The following CATSPERE variants were observed in gnomAD, a reference collection of about 807,000 sequenced individuals.
CATSPERE encodes catsper channel auxiliary subunit epsilon.
A neutral mutation model predicts 114.1 loss-of-function variants in CATSPERE; 93 were observed. The ratio of observed to expected loss-of-function variants is 0.81; its 90% confidence interval spans 0.69 to 0.97. The LOEUF (loss-of-function observed/expected upper bound fraction) is 0.97, where lower values mean the gene tolerates loss of function less well. Among genes scored for constraint, CATSPERE ranks in the 50% least tolerant of loss-of-function variants. The probability of loss-of-function intolerance (pLI) is 0.00; values close to 1 mark genes in which losing one functional copy is unlikely to be tolerated. For missense variants in CATSPERE, 1,058 were observed against 1,131.6 expected (o/e 0.93, Z 0.93); for synonymous variants, 341 against 384.1 (o/e 0.89, Z 1.31).
chr1:244,587,020 A>G (rs1667114885), intron 13 of CATSPERE, among the ~76,000 whole-genome samples: 1 of 152,192 alleles, frequency 6.6e-6, no homozygotes, highest in African/African-American at 2.4e-5. Context: ...ATTGTATTTT[A>G]GTTCCATGGA....
intron 17 of CATSPERE, among the ~76,000 whole-genome samples, chr1:244,596,721 C>T (rs1027818684): frequency 2.6e-5 from 4 of 151,128 alleles, no homozygotes; most frequent in South Asian, 4.2e-4. Flanking sequence ...CACATGTATA[C>T]CTATGTAACA....
intron 8 of CATSPERE, among the ~76,000 whole-genome samples, chr1:244,535,325 T>A (rs1372267159): frequency 6.6e-6 from 1 of 152,182 alleles, no homozygotes; most frequent in Non-Finnish European, 1.5e-5. Flanking sequence ...CCAGCCAGTC[T>A]TGTGTCTTTC....
chr1:244,461,612 T>A, intron 1 of CATSPERE, 118 bp downstream of exon 1: 1 of 756,024 alleles, frequency 1.3e-6, no homozygotes, highest in Non-Finnish European at 1.8e-6. Flanking sequence ...GGCCGACCAC[T>A]GCCTCGTCTC....
chr1:244,476,090 T>C (rs997102122), intron 2 of CATSPERE, among the ~76,000 whole-genome samples: 1 of 152,182 alleles, frequency 6.6e-6, no homozygotes, highest in African/African-American at 2.4e-5. Context: ...GTAAATGTGG[T>C]CAGTTTTGGT....
At chr1:244,512,118 G>A (rs1188498197) in intron 7 of CATSPERE, among the ~76,000 whole-genome samples, 1 of 152,106 alleles carries the variant, frequency 6.6e-6, no homozygotes, top group Non-Finnish European at 1.5e-5. Context: ...CGATTATTTT[G>A]TAAAATAGCT....
chr1:244,585,999 C>T (rs1346292991), intron 13 of CATSPERE, among the ~76,000 whole-genome samples: 1 of 152,208 alleles, frequency 6.6e-6, no homozygotes, highest in Non-Finnish European at 1.5e-5. Flanking sequence ...ATCCCTGTCT[C>T]AGGTCAGTTA....
intron 10 of CATSPERE, among the ~76,000 whole-genome samples, chr1:244,570,099 G>C (rs1400671444): frequency 6.6e-6 from 1 of 152,054 alleles, no homozygotes; most frequent in African/African-American, 2.4e-5. Context: ...CAGGAATGTT[G>C]TATCTTTTCA....
chr1:244,564,061 T>C (rs147209404), intron 10 of CATSPERE, among the ~76,000 whole-genome samples: 1,848 of 152,344 alleles, frequency 0.012, 45 homozygotes, highest in African/African-American at 0.041. Flanking sequence ...CAGATTGTTG[T>C]AGATGTGTGG....
upstream of CATSPERE, among the ~76,000 whole-genome samples, chr1:244,457,965 AATTATT>A (rs1164596493): frequency 6.6e-6 from 1 of 152,182 alleles, no homozygotes; most frequent in African/African-American, 2.4e-5. Flanking sequence ...TAATAATTAT[AATTATT>A]ATGTTAAATG....
chr1:244,621,315 A>AATATATATATATAT (rs201672348), intron 20 of CATSPERE, among the ~76,000 whole-genome samples: 18 of 26,318 alleles, frequency 6.8e-4, no homozygotes, highest in South Asian at 3.1e-3. Flanking sequence ...AAATATATAA[A>AATATATATATATAT]ATATATATAT....
chr1:244,637,185 A>C (rs1252119542), intron 21 of CATSPERE, among the ~76,000 whole-genome samples: 2 of 152,024 alleles, frequency 1.3e-5, no homozygotes, highest in Non-Finnish European at 2.9e-5. Flanking sequence ...AAAACCAAAA[A>C]AATAAACACA....
At chr1:244,458,485 T>A (rs1666358235), upstream of CATSPERE, among the ~76,000 whole-genome samples, 1 of 152,140 alleles carries the variant, frequency 6.6e-6, no homozygotes, top group Non-Finnish European at 1.5e-5. Context: ...GGACTCTGAG[T>A]GCAGGTCTCA....
chr1:244,552,012 C>G lies in CATSPERE; in HGVS notation c.537-310C>G, dbSNP rs946006484. ...CCGAGAGGCAGAGCTCGCAGCGAGC[C>G]CAGATCGCACCACTGCACTCCAGCC... On this transcript the variant is annotated intron_variant, in intron 8 of 21. Coordinates refer to ENST00000366534, the MANE Select transcript of CATSPERE (RefSeq NM_001130957.2). 3.9e-5 allele frequency among the ~76,000 whole-genome samples: 5 copies of G among 127,146 alleles called. No homozygotes were observed. The Admixed American group carries it at 4.4e-4, about 11-fold the overall frequency. 83.4% of individuals were successfully genotyped at this position (127,146 alleles called of 152,430 possible). A position where few individuals can be genotyped will look rare whatever the true frequency, so the allele number is the denominator to read the frequency against.
At chr1:244,586,560 A>G (rs776220786) in intron 13 of CATSPERE, among the ~76,000 whole-genome samples, 1 of 152,138 alleles carries the variant, frequency 6.6e-6, no homozygotes, top group Non-Finnish European at 1.5e-5. Context: ...GAAATAAAAT[A>G]TGCACTCCCA....
intron 5 of CATSPERE, among the ~76,000 whole-genome samples, chr1:244,483,558 A>G (rs546007281): frequency 1.3e-5 from 2 of 152,232 alleles, no homozygotes; most frequent in Admixed American, 1.3e-4. Flanking sequence ...ATTTTTCTTT[A>G]CATTTTACTG....
chr1:244,573,109 T>G lies in CATSPERE; in HGVS notation c.1950+337T>G, dbSNP rs1009004029. Among the ~76,000 whole-genome samples, 1 of 151,986 alleles carries G rather than the reference T, an allele frequency of 6.6e-6. No individual in the cohort carries two copies. The highest frequency in any genetic ancestry group is 1.5e-5 in the Non-Finnish European group (1 of 68,002). ...AACAAACCACTCAAAACCTAATTGC[T>G]TAGAACAACAACCAATTCTGGGCCG... On this transcript the variant is annotated intron_variant, in intron 11 of 21. Transcript: ENST00000366534. This position sits in a 1 kb window ranked among gnomAD's most constrained non-coding sequence, Gnocchi z 4.0.
intron 13 of CATSPERE, among the ~76,000 whole-genome samples, chr1:244,587,521 A>G (rs1339830201): frequency 6.6e-6 from 1 of 152,220 alleles, no homozygotes; most frequent in Non-Finnish European, 1.5e-5. Context: ...CCTACAGAGA[A>G]GCGTGGGCTG....
In CATSPERE at chr1:244,595,742, T is replaced by C. The variant is rs192221431; in HGVS notation, c.2303+2164T>C. ...GTCAGGAGATCAAGACCATCCTGGC[T>C]AACACAGTGAAACCCTGTCTCTACT... On this transcript the variant is annotated intron_variant, in intron 17 of 21. Transcript: ENST00000366534. Among the ~76,000 whole-genome samples, 81 of 152,216 alleles carry C rather than the reference T, an allele frequency of 5.3e-4. 1 individual carries two copies. In the East Asian group the frequency reaches 0.012, roughly 23 times the overall value.
At chr1:244,534,931 C>T (rs1190510701) in intron 8 of CATSPERE, among the ~76,000 whole-genome samples, 2 of 151,932 alleles carry the variant, frequency 1.3e-5, no homozygotes, top group African/African-American at 4.8e-5. Context: ...TCCAGGTATT[C>T]TAAGGGACTT....
Sources: gnomAD v4.1 joint callset for allele counts (sites outside exome capture counted in the v4.1 genomes callset) on GRCh38, gnomAD v4.1.1 for gene constraint, Gnocchi (gnomAD v3.1) non-coding constraint, MANE v1.5 for transcripts, NCBI Gene and HGNC (gene_info 2026-07-23, HGNC 2026-07-21) for gene names.